PLXNA4: variants seen among roughly 807,000 people sequenced by gnomAD.
PLXNA4 encodes the protein plexin A4, also known as plexin-A4.
PLXNA4 carries 44 observed loss-of-function variants against 191.8 expected under a neutral mutation model. The ratio of observed to expected loss-of-function variants is 0.23; its 90% CI spans 0.18 to 0.29. PLXNA4 has a LOEUF of 0.29. Among genes scored for constraint, PLXNA4 ranks in the 10% least tolerant of loss-of-function variants. The pLI, the probability that PLXNA4 is intolerant of heterozygous loss-of-function variation, is 1.00. For synonymous variants in PLXNA4, 1,082 were observed against 1,009.5 expected (o/e 1.07, Z -1.36); for missense variants, 1,800 against 2,488.8 (o/e 0.72, Z 5.89).
At chr7:132,143,022 C>T (rs1386399723) in intron 29 of PLXNA4, among the ~76,000 whole-genome samples, 1 of 151,782 alleles carries the variant, frequency 6.6e-6, no homozygotes, top group African/African-American at 2.4e-5. Context: ...AGTGGTGGCA[C>T]TAATCTCTGG....
chr7:132,404,789 T>C (rs1794141174), intron 3 of PLXNA4, among the ~76,000 whole-genome samples: 1 of 152,002 alleles, frequency 6.6e-6, no homozygotes, highest in Admixed American at 6.6e-5. Context: ...CTGGTGTAGG[T>C]TGTGATTATT....
At chr7:132,494,452 G>A (rs1797924925) in intron 2 of PLXNA4, among the ~76,000 whole-genome samples, 1 of 152,168 alleles carries the variant, frequency 6.6e-6, no homozygotes, top group Admixed American at 6.5e-5. Context: ...GGATCACCAT[G>A]GAGGGCCCTT....
At chr7:132,216,518 T>C (rs1389360890) in intron 9 of PLXNA4, among the ~76,000 whole-genome samples, 1 of 152,212 alleles carries the variant, frequency 6.6e-6, no homozygotes, top group Non-Finnish European at 1.5e-5. Flanking sequence ...GGTTGTCCAG[T>C]TGAGCAACTG....
chr7:132,352,746 G>A (rs527703723), intron 3 of PLXNA4, among the ~76,000 whole-genome samples: 6 of 152,228 alleles, frequency 3.9e-5, no homozygotes, highest in African/African-American at 7.2e-5. Context: ...CCTTCCACTC[G>A]GGATTGCTTT....
chr7:132,529,908 C>T (rs1343436263), intron 1 of PLXNA4, among the ~76,000 whole-genome samples: 1 of 152,148 alleles, frequency 6.6e-6, no homozygotes, highest in African/African-American at 2.4e-5. Flanking sequence ...CCTGGCCCCC[C>T]TAATGGATAT....
Position 132,126,678 on chromosome 7 carries a change from T to G in PLXNA4, c.*3801A>C, listed in dbSNP as rs758339140. ...AGTCCTGGACAGTCTGCCTCAAACT[T>G]TGGGATTTATTTAAAATAACTTCTC... On this transcript the variant is annotated 3_prime_UTR_variant, in exon 32 of 32. Coordinates refer to ENST00000321063, the MANE Select transcript of PLXNA4 (RefSeq NM_020911.2). 7.9e-5 allele frequency: 12 copies of G among 151,704 alleles called. No homozygotes were observed. Among genetic ancestry groups the G allele is most frequent in the Non-Finnish European group, 1.3e-4 (9 of 67,784 alleles). 9.4% of individuals were successfully genotyped at this position (151,704 alleles called of 1,614,324 possible).
At chr7:132,355,817 A>G (rs1286421716) in intron 3 of PLXNA4, among the ~76,000 whole-genome samples, 1 of 152,184 alleles carries the variant, frequency 6.6e-6, no homozygotes, top group Non-Finnish European at 1.5e-5. Flanking sequence ...ATATGATGCC[A>G]ACAGAGAAAA....
intron 3 of PLXNA4, among the ~76,000 whole-genome samples, chr7:132,324,543 A>C (rs7791777): frequency 1.3e-5 from 2 of 152,120 alleles, no homozygotes; most frequent in Non-Finnish European, 2.9e-5. Flanking sequence ...CTGAATGGCT[A>C]TTATAAAGTG....
rs564132001 is a variant in PLXNA4 at position 132,269,744 on chromosome 7, G to A, written c.1503+28347C>T. On this transcript the variant is annotated intron_variant, in intron 4 of 31. Coordinates refer to ENST00000321063, the MANE Select transcript of PLXNA4 (RefSeq NM_020911.2). The stretch of plus-strand genomic sequence containing the variant: ...TTATTTTATTTTTGTCTTTTTCTGG[G>A]AATGTGGCTTCATTTTGTTGTCCTT... Among the ~76,000 whole-genome samples the A allele has an allele frequency of 2.6e-5, 4 of 152,062 alleles. 1 individual carries two copies. The highest frequency in any genetic ancestry group is 2.0e-4 in the Admixed American group (3 of 15,276).
chr7:132,353,463 T>TAA (rs1563052727), intron 3 of PLXNA4, among the ~76,000 whole-genome samples: 4 of 151,998 alleles, frequency 2.6e-5, no homozygotes, highest in African/African-American at 9.7e-5. Context: ...TATATATATA[T>TAA]GTTGGAAAAG....
At chr7:132,613,912 G>T (rs1177208213) in intron 2 of PLXNA4, among the ~76,000 whole-genome samples, 4 of 152,178 alleles carry the variant, frequency 2.6e-5, no homozygotes, top group African/African-American at 7.2e-5. Context: ...TCTGCCTGTG[G>T]GCGTGGGGCT....
intron 2 of PLXNA4, among the ~76,000 whole-genome samples, chr7:132,614,446 C>G (rs1324757905): frequency 2.0e-5 from 3 of 152,210 alleles, no homozygotes; most frequent in African/African-American, 7.2e-5. Flanking sequence ...CAGGATGCAG[C>G]AGACAGCGGG....
intron 2 of PLXNA4, among the ~76,000 whole-genome samples, chr7:132,597,118 TTGCTCAGGATCAAGG>T (rs1485834406): frequency 6.6e-6 from 1 of 152,176 alleles, no homozygotes; most frequent in Non-Finnish European, 1.5e-5. Flanking sequence ...GCTATGGGCT[TTGCTCAGGATCAAGG>T]TGCCTTCCTC....
At chr7:132,598,917 G>A (rs73724089) in intron 2 of PLXNA4, among the ~76,000 whole-genome samples, 23 of 152,180 alleles carry the variant, frequency 1.5e-4, no homozygotes, top group African/African-American at 5.3e-4. Context: ...TCCTACTTAG[G>A]CCTTTAATCC....
At chr7:132,397,491 C>T (rs182432800) in intron 3 of PLXNA4, among the ~76,000 whole-genome samples, 30 of 152,314 alleles carry the variant, frequency 2.0e-4, no homozygotes, top group African/African-American at 6.7e-4. Context: ...ATTTACCACA[C>T]ACTCATGAGA....
chr7:132,415,354 G>C (rs1274117815), intron 3 of PLXNA4, among the ~76,000 whole-genome samples: 3 of 152,206 alleles, frequency 2.0e-5, no homozygotes, highest in South Asian at 2.1e-4. Context: ...GTGTGCACGG[G>C]TATGTTCACA....
At chr7:132,628,131 A>T (rs1053290966) in intron 2 of PLXNA4, among the ~76,000 whole-genome samples, 2 of 152,338 alleles carry the variant, frequency 1.3e-5, no homozygotes, top group South Asian at 4.1e-4. Flanking sequence ...AAGAGTATAC[A>T]GGTGGTAATA....
chr7:132,180,855 G>T, intron 18 of PLXNA4, 123 bp from the exon 19 acceptor site: 1 of 1,438,922 alleles, frequency 6.9e-7, no homozygotes, highest in South Asian at 1.5e-5. Context: ...AGCCACCTTT[G>T]GTAATAAGTG....
At chr7:132,172,849 C>T (rs1796334264) in intron 21 of PLXNA4, among the ~76,000 whole-genome samples, 1 of 152,080 alleles carries the variant, frequency 6.6e-6, no homozygotes, top group Non-Finnish European at 1.5e-5. Context: ...AGGAGAATAA[C>T]TTTATATACT....
Sources: gnomAD v4.1 joint callset for allele counts (sites outside exome capture counted in the v4.1 genomes callset) on GRCh38, gnomAD v4.1.1 for gene constraint, MANE v1.5 for transcripts, NCBI Gene and HGNC (gene_info 2026-07-23, HGNC 2026-07-21) for gene names.